Variants in ABCC8 observed in about 807,000 individuals in gnomAD.
ABCC8 encodes the protein ATP binding cassette subfamily C member 8.
ABCC8 carries 137 observed loss-of-function variants against 188.0 expected under a neutral mutation model. The observed-to-expected ratio is 0.73, with a 90% CI of 0.63 to 0.84. ABCC8 has a LOEUF of 0.84. ABCC8 is among the 40% of genes least tolerant of loss of function. The pLI is 0.00. For missense variants in ABCC8, 1,750 were observed against 2,072.7 expected (o/e 0.84, Z 3.02); for synonymous variants, 797 against 846.5 (o/e 0.94, Z 1.01).
Position 17,412,716 on chromosome 11 carries a change from G to T in ABCC8, c.2506C>A (p.Arg836=). Residue 836 remains arginine (R), a synonymous_variant, in exon 21 of 39, where the codon CGA becomes AGA. Coordinates refer to ENST00000389817, the MANE Select transcript of ABCC8 (RefSeq NM_000352.6). ...TAGAGGGCTCGGGCCACACTGATTC[G>T]CTGGCGTTGACCACCAGACAGGTTG... ...GINLSGGQRQ[R]ISVARALYQH... The T allele has an allele frequency of 6.2e-7, 1 of 1,611,726 alleles. No homozygotes were observed.
chr11:17,422,269 T>A (rs911531460), intron 16 of ABCC8, among the ~76,000 whole-genome samples: 2 of 152,216 alleles, frequency 1.3e-5, no homozygotes, highest in Non-Finnish European at 2.9e-5. Context: ...CTGCCTAGAC[T>A]CCTTCTCCTA....
chr11:17,444,148 A>G (rs1419833485), intron 8 of ABCC8: 1 of 152,256 alleles, frequency 6.6e-6, no homozygotes, highest in Non-Finnish European at 1.5e-5. Flanking sequence ...CTGTAATTTA[A>G]TCACAGAATG....
intron 33 of ABCC8, 88 bp downstream of exon 33, chr11:17,396,827 GA>G: frequency 6.5e-7 from 1 of 1,541,200 alleles, no homozygotes; most frequent in Non-Finnish European, 8.8e-7. Flanking sequence ...GGAGGGCCAC[GA>G]GGTGACTGCG....
Position 17,415,043 on chromosome 11 carries a change from C to T in ABCC8, c.2291+261G>A, listed in dbSNP as rs1955000810. 3.6e-5 allele frequency among the ~76,000 whole-genome samples: 5 copies of T among 140,004 alleles called. No individual in the cohort carries two copies. In the Admixed American group the frequency reaches 3.6e-4, roughly 10 times the overall value. The allele number at this position is 140,004 out of a possible 152,430, so 91.8% of individuals were successfully genotyped here. A position where few individuals can be genotyped will look rare whatever the true frequency, so the allele number is the denominator to read the frequency against. On this transcript the variant is annotated intron_variant, in intron 18 of 38. Coordinates refer to ENST00000389817, the MANE Select transcript of ABCC8 (RefSeq NM_000352.6). The stretch of plus-strand genomic sequence containing the variant: ...TTTAAAAGCAGAGCCAAGGAAGCCA[C>T]ATTTTGAGTGATGTGGTTTTTGAAG...
rs140168643 is a variant in ABCC8 at position 17,398,596 on chromosome 11, A to G, written c.3651-155T>C. The G allele has an allele frequency of 6.2e-5, 88 of 1,427,020 alleles. 1 individual carries two copies. In the East Asian group the frequency reaches 2.0e-3, roughly 33 times the overall value. 88.4% of individuals were successfully genotyped at this position (1,427,020 alleles called of 1,614,324 possible). ...TAAGCTATCCCTCTCTGGAATGTCC[A>G]CCCCACTCCTTTCTGCTTATTCAAA... On this transcript the variant is annotated intron_variant, in intron 29 of 38. Coordinates refer to ENST00000389817, the MANE Select transcript of ABCC8 (RefSeq NM_000352.6).
chr11:17,447,423 C>T (rs56296742), intron 8 of ABCC8, among the ~76,000 whole-genome samples: 4,747 of 152,198 alleles, frequency 0.031, 105 homozygotes, highest in South Asian at 0.077. Context: ...CATGTTTTAA[C>T]GTTTTTATTT....
At chr11:17,466,876 G>A (rs1232128485) in intron 3 of ABCC8, among the ~76,000 whole-genome samples, 2 of 152,062 alleles carry the variant, frequency 1.3e-5, no homozygotes, top group Non-Finnish European at 2.9e-5. Context: ...ATGTTGGCCA[G>A]GCTGGTCTCG....
chr11:17,443,135 G>A (rs1245292023), intron 9 of ABCC8, 43 bp downstream of exon 9: 2 of 1,606,432 alleles, frequency 1.2e-6, no homozygotes, highest in Non-Finnish European at 1.7e-6. Flanking sequence ...GTCGAGGGAA[G>A]GAGGGGAAGA....
chr11:17,458,447 A>G (rs1423745396), intron 6 of ABCC8, among the ~76,000 whole-genome samples: 1 of 152,254 alleles, frequency 6.6e-6, no homozygotes, highest in Non-Finnish European at 1.5e-5. Flanking sequence ...GCAGAATCCC[A>G]CAAGGGTTTT....
chr11:17,392,632 A>G, downstream of ABCC8: 1 of 369,486 alleles, frequency 2.7e-6, no homozygotes. Flanking sequence ...GAGAGGCCTC[A>G]GGAGAAACCA....
At chr11:17,417,060 C>T in intron 16 of ABCC8, 98 bp from the exon 17 acceptor site, 1 of 1,584,380 alleles carries the variant, frequency 6.3e-7, no homozygotes. Flanking sequence ...TCCCCACCTC[C>T]AACCCTCCCA....
intron 11 of ABCC8, among the ~76,000 whole-genome samples, chr11:17,431,282 C>A (rs767761520): frequency 6.6e-6 from 1 of 152,186 alleles, no homozygotes; most frequent in Non-Finnish European, 1.5e-5. Flanking sequence ...AGACAGCAGG[C>A]GGGGTGCTCA....
At chr11:17,445,495 C>CA (rs1039768555) in intron 8 of ABCC8, among the ~76,000 whole-genome samples, 1 of 152,004 alleles carries the variant, frequency 6.6e-6, no homozygotes, top group African/African-American at 2.4e-5. Context: ...TGCATGTGAC[C>CA]AAAAAAAGAT....
chr11:17,395,129 T>C (rs1252968638), intron 36 of ABCC8, 43 bp downstream of exon 36: 3 of 1,552,316 alleles, frequency 1.9e-6, no homozygotes, highest in East Asian at 2.4e-5. Flanking sequence ...TACAGGGTCC[T>C]TGAGTGCCCA....
chr11:17,451,322 C>G (rs113607702), intron 7 of ABCC8, among the ~76,000 whole-genome samples: 25 of 152,220 alleles, frequency 1.6e-4, no homozygotes, highest in African/African-American at 6.0e-4. Flanking sequence ...AGCTCTGGGC[C>G]CCCATGAGTC....
Position 17,460,506 on chromosome 11 carries a change from G to A in ABCC8, c.993C>T (p.Asn331=), listed in dbSNP as rs752188418. 1.3e-5 allele frequency: 21 copies of A among 1,614,026 alleles called. No homozygotes were observed. The highest frequency in any genetic ancestry group is 1.6e-5 in the Non-Finnish European group (19 of 1,180,036). Residue 331 remains asparagine (N), a synonymous_variant, in exon 6 of 39, where the codon AAC becomes AAT. Transcript: ENST00000389817. ...TGCCTACCTTGGGCTGGAAGACGTC[G>A]TTCTCCTTCCCAAGGTGGTCCACGA... The part of the protein sequence containing the change: ...FGIVDHLGKE[N]DVFQPKTQFL...
Position 17,397,066 on chromosome 11 carries a change from C to T in ABCC8, c.3989-20G>A. ...ATGGTGCTGGGGGCCGGGCTGGGCTCAGCCACCAGGCATGGGCCACAGCTA... is the reference window on the plus strand; with the variant it reads ...ATGGTGCTGGGGGCCGGGCTGGGCTTAGCCACCAGGCATGGGCCACAGCTA... On this transcript the variant is annotated intron_variant, in intron 32 of 38. Coordinates refer to ENST00000389817, the MANE Select transcript of ABCC8 (RefSeq NM_000352.6). The T allele has an allele frequency of 1.2e-6, 2 of 1,614,150 alleles. No homozygotes were observed. Among genetic ancestry groups the T allele is most frequent in the South Asian group, 2.2e-5 (2 of 91,086 alleles).
In ABCC8 at chr11:17,396,927, G is replaced by T; in HGVS notation, c.4108C>A (p.Pro1370Thr). ...VLKHVNALIA[P>T]GQKIGICGRT... is the part of the protein sequence containing the mutation. ...GCCCGTGCTCTGACCTTCTGTCCAG[G>T]GGCGATGAGGGCATTGACGTGCTTC... The change falls in exon 33 of 39, where the codon CCT (proline) becomes ACT (threonine). Residue 1370 changes from proline (P) to threonine (T), a missense_variant. By Grantham distance (38) the Pro-to-Thr change is conservative. Transcript: ENST00000389817. 4.3e-6 allele frequency: 7 copies of T among 1,614,130 alleles called. No homozygotes were observed. The highest frequency in any genetic ancestry group is 5.1e-6 in the Non-Finnish European group (6 of 1,180,016).
chr11:17,402,682 AG>A lies in ABCC8; in HGVS notation c.3628del (p.Leu1210SerfsTer55). On this transcript the variant is annotated frameshift_variant, in exon 29 of 39. Transcript: ENST00000389817. LOFTEE classifies it high-confidence loss of function. ...GTACCTGAAGGCCCGGATGGTGGTG[AG>A]TCCTTCTACGGTTTCGGCAAAGTGT... ...LSHFAETVEG[L>X]TTIRAFRYEA... 3 of 1,614,182 alleles carry A rather than the reference AG, an allele frequency of 1.9e-6. No homozygotes were observed. The highest frequency in any genetic ancestry group is 2.5e-6 in the Non-Finnish European group (3 of 1,180,024).
Sources: gnomAD v4.1 joint callset for allele counts (sites outside exome capture counted in the v4.1 genomes callset) on GRCh38, gnomAD v4.1.1 for gene constraint, MANE v1.5 for transcripts, NCBI Gene and HGNC (gene_info 2026-07-23, HGNC 2026-07-21) for gene names.